The following H6PD variants were observed in gnomAD, a reference collection of about 807,000 sequenced individuals.
H6PD encodes hexose-6-phosphate dehydrogenase/glucose 1-dehydrogenase.
In H6PD, 48 loss-of-function variants were observed where a neutral mutation model predicts 61.2. The observed-to-expected ratio is 0.78, with a 90% confidence interval of 0.62 to 1.00. The LOEUF is 1.00. Among genes scored for constraint, H6PD ranks in the 50% least tolerant of loss-of-function variants. The pLI is 0.00. For missense variants in H6PD, 1,093 were observed against 1,065.0 expected, an observed-to-expected ratio of 1.03 and a Z score of -0.37; for synonymous variants, 480 against 457.9, an observed-to-expected ratio of 1.05 and a Z score of -0.62.
chr1:9,264,262 C>CG lies in H6PD; in HGVS notation c.1775dup (p.Ser593LeufsTer28), dbSNP rs749816055. The CG allele has an allele frequency of 6.2e-7, 1 of 1,609,528 alleles. No individual in the cohort carries two copies. Among genetic ancestry groups the CG allele is most frequent in the African/African-American group, 1.3e-5 (1 of 74,998 alleles). On this transcript the variant is annotated frameshift_variant, in exon 5 of 5. Transcript: ENST00000377403. LOFTEE classifies it high-confidence loss of function. The stretch of plus-strand genomic sequence containing the variant: ...TTTGGCCAGTTCCACCTGGCACTGT[C>CG]GGGGGGCTCGAGCCCCGTGGCCCTG...
Position 9,245,986 on chromosome 1 carries a change from A to G in H6PD, c.627+425A>G, listed in dbSNP as rs547854763. On this transcript the variant is annotated intron_variant, in intron 2 of 4. Transcript: ENST00000377403. The surrounding 1 kb of genome is among the most constrained non-coding windows in gnomAD (Gnocchi z 4.8). ...TTTAGACAGAGTCTGCTCTGTCACC[A>G]GGCTGGAGTGCAGTGGCATGATCTC... Among the ~76,000 whole-genome samples, 60 of 150,370 alleles carry G rather than the reference A, an allele frequency of 4.0e-4. No individual in the cohort carries two copies. In the South Asian group the frequency reaches 0.011, roughly 27 times the overall value.
rs772497428 is a variant in H6PD, at chr1:9,254,516, T to C, written c.745+7433T>C. Among the ~76,000 whole-genome samples the C allele has an allele frequency of 6.6e-6, 1 of 152,162 alleles. No homozygotes were observed. The highest frequency in any genetic ancestry group is 1.5e-5 in the Non-Finnish European group (1 of 68,024). On this transcript the variant is annotated intron_variant, in intron 3 of 4. Transcript: ENST00000377403. The surrounding 1 kb of genome is among the most constrained non-coding windows in gnomAD (Gnocchi z 4.6). Reference sequence around the variant, plus strand: ...ATCTGCTATAATAACTTCTTTGCAGTTCACTGTGACTTCGTTCCCTCCTAC... The same window carrying C: ...ATCTGCTATAATAACTTCTTTGCAGCTCACTGTGACTTCGTTCCCTCCTAC...
chr1:9,258,596 T>C (rs1348102010), intron 3 of H6PD, among the ~76,000 whole-genome samples: 1 of 152,156 alleles, frequency 6.6e-6, no homozygotes, highest in Non-Finnish European at 1.5e-5. Context: ...GTTGTAACAT[T>C]GCTGTTAACA....
chr1:9,241,976 G>A (rs1361057004), intron 1 of H6PD, among the ~76,000 whole-genome samples: 1 of 152,146 alleles, frequency 6.6e-6, no homozygotes, highest in East Asian at 1.9e-4. Context: ...GTTAACATAG[G>A]TATTATTATT....
chr1:9,259,549 T>A (rs1296980146), intron 3 of H6PD, among the ~76,000 whole-genome samples: 2 of 152,028 alleles, frequency 1.3e-5, no homozygotes, highest in Non-Finnish European at 2.9e-5. Context: ...GTTACACTAG[T>A]ATTATGTTGC....
At position 9,264,223 on chromosome 1, in the gene H6PD, G is replaced by A. The variant is rs201127379; in HGVS notation, c.1730G>A (p.Arg577Gln). The A allele has an allele frequency of 2.1e-4, 342 of 1,610,210 alleles. No homozygotes were observed. The highest frequency in any genetic ancestry group is 2.7e-4 in the Non-Finnish European group (318 of 1,178,886). ...AATGACATCGAGGCCACCGCTGTGC[G>A]AGCCGTGCGGCGCTTTGGCCAGTTC... ...LANDIEATAV[R>Q]AVRRFGQFHL... Residue 577 changes from arginine (R) to glutamine (Q), a missense_variant, in exon 5 of 5, where the codon CGA (arginine) becomes CAA (glutamine). By Grantham distance (43) the Arg-to-Gln change is conservative (BLOSUM62 1). Transcript: ENST00000377403.
At chr1:9,247,170 G>T in intron 3 of H6PD, 87 bp downstream of exon 3, 1 of 916,460 alleles carries the variant, frequency 1.1e-6, no homozygotes, top group Non-Finnish European at 1.8e-6. Context: ...TCAGAGGGAG[G>T]TTTTCTGTGG....
At position 9,234,844 on chromosome 1, in the gene H6PD, CT is replaced by C; in HGVS notation, c.-231del. The C allele has an allele frequency of 6.8e-6, 1 of 147,188 alleles. No individual in the cohort carries two copies. Among genetic ancestry groups the C allele is most frequent in the Non-Finnish European group, 1.5e-5 (1 of 66,170 alleles). 9.1% of individuals were successfully genotyped at this position (147,188 alleles called of 1,614,324 possible). A position where few individuals can be genotyped will look rare whatever the true frequency, so the allele number is the denominator to read the frequency against. ...GGGGCGGGGTGGCGGCCGGGCTGGC[CT>C]TGGCCTCGCGCCTTCCCCTGCGGCC... On this transcript the variant is annotated 5_prime_UTR_variant, in exon 1 of 5. Coordinates refer to ENST00000377403, the MANE Select transcript of H6PD (RefSeq NM_004285.4).
At chr1:9,255,594 C>G (rs1325686640) in intron 3 of H6PD, among the ~76,000 whole-genome samples, 1 of 152,052 alleles carries the variant, frequency 6.6e-6, no homozygotes, top group East Asian at 1.9e-4. Flanking sequence ...AGGTCCCTTT[C>G]AAATGCAAGA....
rs1638699188 is a variant in H6PD, at chr1:9,270,049, A to T, written c.*5180A>T. Reference sequence around the variant, plus strand: ...CAGGGGGAAGATGATCCCTTTGCCGAAGTGTACCCTCTAGCCAACTTTTGG... The same window carrying T: ...CAGGGGGAAGATGATCCCTTTGCCGTAGTGTACCCTCTAGCCAACTTTTGG... On this transcript the variant is annotated 3_prime_UTR_variant, in exon 5 of 5. Transcript: ENST00000377403. 2 of 152,664 alleles carry T rather than the reference A, an allele frequency of 1.3e-5. No homozygotes were observed. The highest frequency in any genetic ancestry group is 4.2e-4 in the South Asian group (2 of 4,816). The allele number at this position is 152,664 out of a possible 1,614,324, so 9.5% of individuals were successfully genotyped here.
Position 9,263,821 on chromosome 1 carries a change from T to C in H6PD, c.1328T>C (p.Leu443Pro), listed in dbSNP as rs1452803293. ...GGGCTCCGCCTTTTCGGCAGCCCTC[T>C]GTCCGATTACTACGCCTACAGCCCT... ...PPGLRLFGSP[L>P]SDYYAYSPVR... Residue 443 changes from leucine to proline, a missense_variant, in exon 5 of 5, where the codon CTG (leucine) becomes CCG (proline). Physicochemically the swap from Leu to Pro is moderately conservative, Grantham distance 98. Coordinates refer to ENST00000377403, the MANE Select transcript of H6PD (RefSeq NM_004285.4). 6.2e-7 allele frequency: 1 copy of C among 1,613,952 alleles called. No homozygotes were observed. The highest frequency in any genetic ancestry group is 8.5e-7 in the Non-Finnish European group (1 of 1,180,012).
At chr1:9,247,611 C>G (rs975043345) in intron 3 of H6PD, among the ~76,000 whole-genome samples, 2 of 152,180 alleles carry the variant, frequency 1.3e-5, no homozygotes, top group African/African-American at 4.8e-5. Flanking sequence ...CACAGTGTTA[C>G]CCTTGCCTCG....
At chr1:9,246,923 G>A (rs779459692) in intron 2 of H6PD, 43 bp from the exon 3 acceptor site, 46 of 1,375,624 alleles carry the variant, frequency 3.3e-5, no homozygotes, top group South Asian at 2.3e-4. Flanking sequence ...CTCCTTCATC[G>A]TGAGAGTATC....
At chr1:9,246,927 G>T in intron 2 of H6PD, 39 bp from the exon 3 acceptor site, 1 of 1,399,418 alleles carries the variant, frequency 7.1e-7, no homozygotes, top group South Asian at 1.1e-5. Flanking sequence ...TTCATCGTGA[G>T]AGTATCCTGC....
Position 9,264,531 on chromosome 1 carries a change from C to T in H6PD, c.2038C>T (p.Leu680=), listed in dbSNP as rs146292362. The T allele has an allele frequency of 6.8e-6, 11 of 1,613,378 alleles. No homozygotes were observed. Among genetic ancestry groups the T allele is most frequent in the Non-Finnish European group, 8.5e-6 (10 of 1,179,944 alleles). ...GATCTATGCCAGGGAGATCTCAGCC[C>T]TGGTGGCCAACAGCAGCTTCGACCT... ...AQIYAREISA[L]VANSSFDLVL... Residue 680 remains leucine, a synonymous_variant, in exon 5 of 5, where the codon CTG becomes TTG. Coordinates refer to ENST00000377403, the MANE Select transcript of H6PD (RefSeq NM_004285.4).
chr1:9,264,984 C>G lies in H6PD; in HGVS notation c.*115C>G. The G allele has an allele frequency of 8.8e-7, 1 of 1,142,816 alleles. No individual in the cohort carries two copies. Among genetic ancestry groups the G allele is most frequent in the Non-Finnish European group, 1.3e-6 (1 of 783,258 alleles). 70.8% of individuals were successfully genotyped at this position (1,142,816 alleles called of 1,614,324 possible). A position where few individuals can be genotyped will look rare whatever the true frequency, so the allele number is the denominator to read the frequency against. On this transcript the variant is annotated 3_prime_UTR_variant, in exon 5 of 5. Coordinates refer to ENST00000377403, the MANE Select transcript of H6PD (RefSeq NM_004285.4). ...GCCCTGGCTCTCCAGAACCTTCTATCCCACAGTCAGGCCCCAGAGAGGGCA... is the reference window on the plus strand; with the variant it reads ...GCCCTGGCTCTCCAGAACCTTCTATGCCACAGTCAGGCCCCAGAGAGGGCA...
At position 9,266,720 on chromosome 1, in the gene H6PD, C is replaced by T. The variant is rs1638571876; in HGVS notation, c.*1851C>T. 6.6e-6 allele frequency: 1 copy of T among 152,346 alleles called. No homozygotes were observed. Among genetic ancestry groups the T allele is most frequent in the African/African-American group, 2.4e-5 (1 of 41,584 alleles). The allele number at this position is 152,346 out of a possible 1,614,324, so 9.4% of individuals were successfully genotyped here. ...TTCAAGGCGGTGGATTTAGAGGAAT[C>T]CTGGCTTTCATTTTCAATGCCAGTC... On this transcript the variant is annotated 3_prime_UTR_variant, in exon 5 of 5. Coordinates refer to ENST00000377403, the MANE Select transcript of H6PD (RefSeq NM_004285.4).
In H6PD at chr1:9,270,205, G is replaced by A. The variant is rs557415341; in HGVS notation, c.*5336G>A. 1.3e-5 allele frequency: 2 copies of A among 152,700 alleles called. No homozygotes were observed. Among genetic ancestry groups the A allele is most frequent in the South Asian group, 2.1e-4 (1 of 4,820 alleles). The allele number at this position is 152,700 out of a possible 1,614,324, so 9.5% of individuals were successfully genotyped here. A position where few individuals can be genotyped will look rare whatever the true frequency, so the allele number is the denominator to read the frequency against. On this transcript the variant is annotated 3_prime_UTR_variant, in exon 5 of 5. Coordinates refer to ENST00000377403, the MANE Select transcript of H6PD (RefSeq NM_004285.4). ...CTCAAGGCTGATCTTTAAAACCCTC[G>A]CCTTGCTGACAGGTGCTTTAAAGGC...
chr1:9,268,460 T>C lies in H6PD; in HGVS notation c.*3591T>C, dbSNP rs1381518279. 1 of 152,174 alleles carries C rather than the reference T, an allele frequency of 6.6e-6. No homozygotes were observed. Among genetic ancestry groups the C allele is most frequent in the African/African-American group, 2.4e-5 (1 of 41,446 alleles). 9.4% of individuals were successfully genotyped at this position (152,174 alleles called of 1,614,324 possible). On this transcript the variant is annotated 3_prime_UTR_variant, in exon 5 of 5. Transcript: ENST00000377403. Reference sequence around the variant, plus strand: ...CCGCATGGAAGCCCACGTGTGCACTTAGGGGCCCATAAATGGCAGAAGGGC... The same window carrying C: ...CCGCATGGAAGCCCACGTGTGCACTCAGGGGCCCATAAATGGCAGAAGGGC...
Sources: gnomAD v4.1 joint callset for allele counts (sites outside exome capture counted in the v4.1 genomes callset) on GRCh38, gnomAD v4.1.1 for gene constraint, Gnocchi (gnomAD v3.1) non-coding constraint, MANE v1.5 for transcripts, NCBI Gene and HGNC (gene_info 2026-07-23, HGNC 2026-07-21) for gene names.